ANTXR1: variants seen among roughly 807,000 people sequenced by gnomAD.
ANTXR1 encodes the protein ANTXR cell adhesion molecule 1.
ANTXR1 carries 19 observed loss-of-function variants against 78.1 expected under a neutral mutation model. The ratio of observed to expected loss-of-function variants is 0.24; its 90% CI spans 0.17 to 0.36. The LOEUF (loss-of-function observed/expected upper bound fraction) is 0.36, where lower values mean the gene tolerates loss of function less well. ANTXR1 is among the 10% of genes least tolerant of loss of function. ANTXR1 has a pLI of 1.00. For synonymous variants in ANTXR1, 273 were observed against 260.5 expected (o/e 1.05, Z -0.46); for missense variants, 518 against 718.6 (o/e 0.72, Z 3.19).
At chr2:69,095,896 GT>G (rs1330740850) in intron 9 of ANTXR1, among the ~76,000 whole-genome samples, 1 of 152,140 alleles carries the variant, frequency 6.6e-6, no homozygotes, top group Non-Finnish European at 1.5e-5. Context: ...TCCTGGAACT[GT>G]TTCACATTTT....
chr2:69,233,568 A>G (rs1675679888), intron 17 of ANTXR1, among the ~76,000 whole-genome samples: 1 of 152,034 alleles, frequency 6.6e-6, no homozygotes, highest in Admixed American at 6.5e-5. Context: ...TTTCCTTAAC[A>G]TTAATAAAAA....
intron 12 of ANTXR1, among the ~76,000 whole-genome samples, chr2:69,149,722 T>G (rs766109695): frequency 6.6e-6 from 1 of 152,210 alleles, no homozygotes; most frequent in Non-Finnish European, 1.5e-5. Flanking sequence ...TTTGACAAGA[T>G]AGCTTACATC....
rs569817642 is a variant in ANTXR1, at chr2:69,179,030, C to G, written c.1090-2756C>G. Reference sequence around the variant, plus strand: ...AAAACTGCCCCAGACTGGGAATGCCCAGGCTTTCAGAGCCATATTTTGTAT... The same window carrying G: ...AAAACTGCCCCAGACTGGGAATGCCGAGGCTTTCAGAGCCATATTTTGTAT... On this transcript the variant is annotated intron_variant, in intron 14 of 17. Transcript: ENST00000303714. Among the ~76,000 whole-genome samples the G allele has an allele frequency of 3.7e-4, 57 of 152,262 alleles. 1 individual carries two copies. The South Asian group carries it at 7.5e-3, about 20-fold the overall frequency.
intron 1 of ANTXR1, among the ~76,000 whole-genome samples, chr2:69,019,851 G>A (rs756448165): frequency 6.6e-6 from 1 of 152,102 alleles, no homozygotes; most frequent in Non-Finnish European, 1.5e-5. Flanking sequence ...TTCTGTTTGT[G>A]CATTAGTTTT....
intron 8 of ANTXR1, among the ~76,000 whole-genome samples, chr2:69,078,745 C>G (rs1670814306): frequency 6.6e-6 from 1 of 152,192 alleles, no homozygotes; most frequent in African/African-American, 2.4e-5. Flanking sequence ...TCCAGACATA[C>G]AATAGGCACT....
intron 13 of ANTXR1, among the ~76,000 whole-genome samples, chr2:69,165,855 G>GA (rs1673813076): frequency 6.6e-6 from 1 of 152,034 alleles, no homozygotes. Flanking sequence ...TACTGCTAGA[G>GA]AAAAAAGAAA....
chr2:69,111,172 C>G (rs773921924), intron 10 of ANTXR1, among the ~76,000 whole-genome samples: 4 of 152,208 alleles, frequency 2.6e-5, no homozygotes. Context: ...TCCTCAGTCA[C>G]CAGGCTGAAC....
chr2:69,107,527 G>T (rs372159967), intron 10 of ANTXR1, among the ~76,000 whole-genome samples: 2 of 151,854 alleles, frequency 1.3e-5, no homozygotes, highest in Admixed American at 1.3e-4. Flanking sequence ...GGTGTGGGCC[G>T]CCACACCCAG....
intron 10 of ANTXR1, among the ~76,000 whole-genome samples, chr2:69,120,676 T>TAAC (rs1203930323): frequency 2.0e-5 from 3 of 151,212 alleles, no homozygotes; most frequent in Non-Finnish European, 2.9e-5. Flanking sequence ...AAAAAAAAGA[T>TAAC]AATAATAATA....
chr2:69,055,920 T>C (rs1023558818), intron 3 of ANTXR1, among the ~76,000 whole-genome samples: 1 of 152,240 alleles, frequency 6.6e-6, no homozygotes, highest in Non-Finnish European at 1.5e-5. Context: ...ATTGCACTTC[T>C]CTGAGTCTGT....
At chr2:69,022,435 G>A (rs142065633) in intron 1 of ANTXR1, among the ~76,000 whole-genome samples, 1 of 152,334 alleles carries the variant, frequency 6.6e-6, no homozygotes, top group African/African-American at 2.4e-5. Flanking sequence ...CACCTTGGTT[G>A]AGAACTCCTG....
intron 17 of ANTXR1, among the ~76,000 whole-genome samples, chr2:69,223,127 C>T (rs890107191): frequency 2.6e-5 from 4 of 152,176 alleles, no homozygotes; most frequent in African/African-American, 7.2e-5. Context: ...GTCACCTCTA[C>T]TCAGAAGGTC....
chr2:69,138,703 G>A (rs923984136), intron 12 of ANTXR1, among the ~76,000 whole-genome samples: 4 of 152,180 alleles, frequency 2.6e-5, no homozygotes, highest in African/African-American at 4.8e-5. Flanking sequence ...TGGAACAGAC[G>A]TTAGTTTAGT....
chr2:69,099,942 G>T (rs1671555663), intron 9 of ANTXR1, among the ~76,000 whole-genome samples: 1 of 152,180 alleles, frequency 6.6e-6, no homozygotes, highest in Non-Finnish European at 1.5e-5. Flanking sequence ...CAATGTAATT[G>T]GGAATAACAG....
chr2:69,240,824 T>C (rs953065045), intron 17 of ANTXR1, among the ~76,000 whole-genome samples: 18 of 152,148 alleles, frequency 1.2e-4, no homozygotes, highest in Admixed American at 6.5e-4. Context: ...TTTTTTTCTG[T>C]ACAATGAAAA....
chr2:69,107,522 G>T (rs1038387021), intron 10 of ANTXR1, among the ~76,000 whole-genome samples: 3 of 152,028 alleles, frequency 2.0e-5, no homozygotes, highest in African/African-American at 7.2e-5. Context: ...TTACAGGTGT[G>T]GGCCGCCACA....
chr2:69,189,987 G>A (rs1166006196), intron 16 of ANTXR1, among the ~76,000 whole-genome samples: 1 of 152,178 alleles, frequency 6.6e-6, no homozygotes, highest in Non-Finnish European at 1.5e-5. Context: ...GAATTTTTGA[G>A]TTGCCGGCAG....
At chr2:69,032,437 C>T in intron 1 of ANTXR1, among the ~76,000 whole-genome samples, 1 of 151,698 alleles carries the variant, frequency 6.6e-6, no homozygotes, top group Non-Finnish European at 1.5e-5. Flanking sequence ...TATTTGTAAA[C>T]CCTCTCCCTT....
intron 1 of ANTXR1, among the ~76,000 whole-genome samples, chr2:69,039,344 A>G (rs1323076376): frequency 6.6e-6 from 1 of 152,218 alleles, no homozygotes; most frequent in Non-Finnish European, 1.5e-5. Context: ...TTCCAAATCT[A>G]AAATCTCATG....
Sources: allele counts gnomAD v4.1 joint callset (sites outside exome capture counted in the v4.1 genomes callset), GRCh38; gene constraint gnomAD v4.1.1; transcripts MANE v1.5; gene names NCBI Gene and HGNC (gene_info 2026-07-23, HGNC 2026-07-21).